NRXN1: variants seen among roughly 807,000 people sequenced by gnomAD.
NRXN1 encodes the protein neurexin 1.
A neutral mutation model predicts 150.9 loss-of-function variants in NRXN1; 39 were observed. The observed-to-expected ratio is 0.26, with a 90% confidence interval of 0.20 to 0.34. NRXN1 has a LOEUF of 0.34. Among genes scored for constraint, NRXN1 ranks in the 10% least tolerant of loss-of-function variants. The pLI is 1.00. For synonymous variants in NRXN1, 924 were observed against 757.0 expected, an observed-to-expected ratio of 1.22 and a Z score of -3.62; for missense variants, 1,815 against 1,949.9, an observed-to-expected ratio of 0.93 and a Z score of 1.30.
intron 21 of NRXN1, among the ~76,000 whole-genome samples, chr2:50,021,095 C>G (rs936132099): frequency 2.0e-5 from 3 of 152,158 alleles, no homozygotes; most frequent in African/African-American, 7.2e-5. Context: ...TCTTGCCTAG[C>G]AGCTTCAATA....
chr2:50,764,655 C>T (rs925997792), intron 5 of NRXN1, among the ~76,000 whole-genome samples: 1 of 151,896 alleles, frequency 6.6e-6, no homozygotes, highest in Non-Finnish European at 1.5e-5. Flanking sequence ...AGTAAGTGGC[C>T]TTGAACCCTG....
chr2:50,346,605 T>C lies in NRXN1; in HGVS notation c.3365-109635A>G. ...CCCTTTTGTCGAGCTCCCATTTCTC[T>C]GAGCCTTAGGAGCCCAGGAGCGAGT... On this transcript the variant is annotated intron_variant, in intron 17 of 22. Transcript: ENST00000401669. The surrounding 1 kb of genome is among the most constrained non-coding windows in gnomAD (Gnocchi z 5.0). The C allele has an allele frequency of 7.0e-7, 1 of 1,436,320 alleles. No homozygotes were observed. The highest frequency in any genetic ancestry group is 2.3e-5 in the East Asian group (1 of 43,092). 89.0% of individuals were successfully genotyped at this position (1,436,320 alleles called of 1,614,324 possible).
At chr2:50,062,946 G>T (rs560020009) in intron 19 of NRXN1, among the ~76,000 whole-genome samples, 2 of 152,102 alleles carry the variant, frequency 1.3e-5, no homozygotes, top group Non-Finnish European at 2.9e-5. Flanking sequence ...TCTTTGGAAG[G>T]CTTCTTATTT....
At chr2:50,198,264 A>C (rs1363876904) in intron 18 of NRXN1, among the ~76,000 whole-genome samples, 1 of 151,658 alleles carries the variant, frequency 6.6e-6, no homozygotes, top group African/African-American at 2.4e-5. Flanking sequence ...AGAAAAAAAC[A>C]TTTAGATAAT....
intron 17 of NRXN1, among the ~76,000 whole-genome samples, chr2:50,290,160 G>T (rs527508384): frequency 1.3e-5 from 2 of 152,232 alleles, no homozygotes; most frequent in Admixed American, 6.5e-5. Flanking sequence ...CAAGAAAGGA[G>T]AAATCAACAG....
chr2:50,447,598 G>T (rs1006045908), intron 17 of NRXN1, among the ~76,000 whole-genome samples: 2 of 145,726 alleles, frequency 1.4e-5, no homozygotes, highest in South Asian at 2.1e-4. Context: ...TTACATCCAG[G>T]ATTTTCTTTG....
chr2:50,070,518 C>A (rs1383007543), intron 19 of NRXN1, among the ~76,000 whole-genome samples: 2 of 151,932 alleles, frequency 1.3e-5, no homozygotes, highest in Admixed American at 6.5e-5. Flanking sequence ...CGCCTGTAAT[C>A]CCAGCACTTT....
intron 5 of NRXN1, among the ~76,000 whole-genome samples, chr2:50,697,559 G>C (rs1337317715): frequency 6.6e-6 from 1 of 152,072 alleles, no homozygotes; most frequent in Non-Finnish European, 1.5e-5. Flanking sequence ...TTCCTCTGTG[G>C]TTTCATCCGA....
intron 17 of NRXN1, among the ~76,000 whole-genome samples, chr2:50,278,043 T>C (rs1037722827): frequency 1.4e-5 from 2 of 141,634 alleles, no homozygotes; most frequent in African/African-American, 5.3e-5. Context: ...GATAGTGCTT[T>C]CTTATCTTTT....
chr2:50,870,421 C>G (rs1379348784), intron 5 of NRXN1, among the ~76,000 whole-genome samples: 1 of 151,906 alleles, frequency 6.6e-6, no homozygotes, highest in Non-Finnish European at 1.5e-5. Flanking sequence ...CCTCAGCCTT[C>G]TGAGTAGCTG....
At chr2:50,400,553 A>C (rs1451702648) in intron 17 of NRXN1, among the ~76,000 whole-genome samples, 2 of 152,150 alleles carry the variant, frequency 1.3e-5, no homozygotes, top group Non-Finnish European at 2.9e-5. Context: ...ACAAGATAAG[A>C]GTTTCATTAG....
At chr2:50,286,146 T>G (rs922019145) in intron 17 of NRXN1, among the ~76,000 whole-genome samples, 1 of 152,160 alleles carries the variant, frequency 6.6e-6, no homozygotes, top group African/African-American at 2.4e-5. Context: ...ATGAAAACAC[T>G]TCACATCCAC....
chr2:50,083,750 G>A (rs76012448), intron 19 of NRXN1, among the ~76,000 whole-genome samples: 3 of 152,226 alleles, frequency 2.0e-5, no homozygotes, highest in Admixed American at 6.5e-5. Context: ...TGATTGGTAC[G>A]TTTACAATCC....
intron 17 of NRXN1, among the ~76,000 whole-genome samples, chr2:50,416,319 G>T (rs1487978605): frequency 6.6e-6 from 1 of 151,994 alleles, no homozygotes; most frequent in Non-Finnish European, 1.5e-5. Flanking sequence ...GAAAGTAAAA[G>T]GTTGGGAGAA....
intron 17 of NRXN1, among the ~76,000 whole-genome samples, chr2:50,283,600 T>C (rs546748967): frequency 6.6e-6 from 1 of 152,318 alleles, no homozygotes; most frequent in Non-Finnish European, 1.5e-5. Context: ...GTATTCATTA[T>C]ACTACTCCTC....
intron 15 of NRXN1, among the ~76,000 whole-genome samples, chr2:50,491,442 G>T (rs1329381512): frequency 6.6e-6 from 1 of 152,128 alleles, no homozygotes; most frequent in Non-Finnish European, 1.5e-5. Context: ...CATTTAAGTG[G>T]CTTCGTAGCA....
At chr2:50,095,687 G>A (rs894016381) in intron 18 of NRXN1, among the ~76,000 whole-genome samples, 1 of 151,518 alleles carries the variant, frequency 6.6e-6, no homozygotes, top group Non-Finnish European at 1.5e-5. Flanking sequence ...GATTTCATAG[G>A]ATTTGGTTTT....
intron 2 of NRXN1, among the ~76,000 whole-genome samples, chr2:51,024,826 T>G (rs1166760526): frequency 6.6e-6 from 1 of 152,208 alleles, no homozygotes; most frequent in South Asian, 2.1e-4. Context: ...TACTTGTCTG[T>G]TTTTTTCCCT....
intron 17 of NRXN1, among the ~76,000 whole-genome samples, chr2:50,245,288 T>C (rs2066395124): frequency 1.3e-5 from 2 of 151,922 alleles, no homozygotes; most frequent in African/African-American, 4.8e-5. Flanking sequence ...GTAGAACTTT[T>C]GCCAATCAGA....
Sources: allele counts gnomAD v4.1 joint callset (sites outside exome capture counted in the v4.1 genomes callset), GRCh38; gene constraint gnomAD v4.1.1; non-coding constraint Gnocchi (gnomAD v3.1); transcripts MANE v1.5; gene names NCBI Gene and HGNC (gene_info 2026-07-23, HGNC 2026-07-21).